NREP: variants seen among roughly 807,000 people sequenced by gnomAD.
The protein encoded by NREP is neuronal regeneration related protein, also known as neuronal regeneration-related protein.
A neutral mutation model predicts 8.6 loss-of-function variants in NREP; 5 were observed. That is an observed-to-expected ratio of 0.58 (90% CI 0.30 to 1.22). The LOEUF (loss-of-function observed/expected upper bound fraction) is 1.22. Ranked by LOEUF, NREP falls within the 50% of genes most tolerant of loss-of-function variation. The pLI is 0.07. For synonymous variants in NREP, 27 were observed against 28.0 expected, an observed-to-expected ratio of 0.96 and a Z score of 0.11; for missense variants, 86 against 82.5, an observed-to-expected ratio of 1.04 and a Z score of -0.17.
At chr5:111,956,135 C>T (rs1204005675) in intron 2 of NREP, among the ~76,000 whole-genome samples, 2 of 152,020 alleles carry the variant, frequency 1.3e-5, no homozygotes, top group Non-Finnish European at 2.9e-5. Flanking sequence ...TAGATACCAC[C>T]ATGATATCCT....
intron 2 of NREP, among the ~76,000 whole-genome samples, chr5:111,831,361 C>A (rs1752763639): frequency 6.6e-6 from 1 of 152,118 alleles, no homozygotes; most frequent in Non-Finnish European, 1.5e-5. Context: ...TCAGGTCATA[C>A]CATTGGGCCA....
intron 2 of NREP, among the ~76,000 whole-genome samples, chr5:111,851,477 TAAAGAGAG>T (rs1344132050): frequency 6.6e-6 from 1 of 152,126 alleles, no homozygotes; most frequent in East Asian, 1.9e-4. Context: ...AGTTCCAATA[TAAAGAGAG>T]AAAGAGAGAG....
chr5:111,791,172 C>CAAA (rs1751737642), intron 2 of NREP, among the ~76,000 whole-genome samples: 1 of 152,130 alleles, frequency 6.6e-6, no homozygotes, highest in Non-Finnish European at 1.5e-5. Flanking sequence ...ATCATTAAAT[C>CAAA]AAACTAATTA....
At chr5:111,828,732 TA>T (rs202221870) in intron 2 of NREP, among the ~76,000 whole-genome samples, 2 of 152,110 alleles carry the variant, frequency 1.3e-5, no homozygotes, top group African/African-American at 2.4e-5. Context: ...TTTAGCATGA[TA>T]AAAAAACTTA....
chr5:111,852,270 T>A (rs1581165913), intron 2 of NREP, among the ~76,000 whole-genome samples: 1 of 126,496 alleles, frequency 7.9e-6, no homozygotes, highest in South Asian at 2.3e-4. Flanking sequence ...TAGCTTCACA[T>A]GTATAGTCTA....
downstream of NREP, chr5:111,728,871 C>CAAAT (rs1441244121): frequency 2.0e-5 from 3 of 151,966 alleles, no homozygotes; most frequent in Non-Finnish European, 4.4e-5. Flanking sequence ...AGGAAAAGTG[C>CAAAT]ACATATTCCA....
intron 2 of NREP, among the ~76,000 whole-genome samples, chr5:111,915,061 G>T (rs1414775909): frequency 6.6e-6 from 1 of 152,092 alleles, no homozygotes; most frequent in Non-Finnish European, 1.5e-5. Context: ...ATTTCTGTGT[G>T]TCTTTGTGCT....
intron 2 of NREP, among the ~76,000 whole-genome samples, chr5:111,969,203 A>T (rs1756732611): frequency 6.6e-6 from 1 of 152,250 alleles, no homozygotes; most frequent in African/African-American, 2.4e-5. Flanking sequence ...GGTTAAAAAT[A>T]TTGAACTTGT....
intron 2 of NREP, among the ~76,000 whole-genome samples, chr5:111,798,073 T>C (rs987024396): frequency 6.6e-6 from 1 of 152,184 alleles, no homozygotes. Context: ...TTCAGTTTTT[T>C]CCCTAAATTT....
intron 2 of NREP, among the ~76,000 whole-genome samples, chr5:111,938,572 T>C (rs1246765055): frequency 5.3e-5 from 8 of 152,050 alleles, no homozygotes. Context: ...ATGGCCTAGT[T>C]TGCATTTCAG....
At chr5:111,950,849 A>G (rs1756139282) in intron 2 of NREP, among the ~76,000 whole-genome samples, 1 of 152,086 alleles carries the variant, frequency 6.6e-6, no homozygotes, top group South Asian at 2.1e-4. Context: ...AACATTTGAG[A>G]CACAAAAAGG....
chr5:111,812,320 A>G (rs920252971), intron 2 of NREP, among the ~76,000 whole-genome samples: 1 of 151,990 alleles, frequency 6.6e-6, no homozygotes, highest in Admixed American at 6.6e-5. Context: ...CAAACAATCA[A>G]ACTTTAGTTT....
chr5:111,875,495 A>G (rs1252381840), intron 2 of NREP, among the ~76,000 whole-genome samples: 1 of 152,180 alleles, frequency 6.6e-6, no homozygotes, highest in Non-Finnish European at 1.5e-5. Flanking sequence ...TCACACAACA[A>G]TTTATATAAT....
intron 2 of NREP, among the ~76,000 whole-genome samples, chr5:111,914,408 C>G (rs1754993755): frequency 1.3e-5 from 2 of 152,140 alleles, no homozygotes. Flanking sequence ...GCCTGTTCCA[C>G]TTCCTTATTT....
chr5:111,919,073 A>T (rs1208566490), intron 2 of NREP, among the ~76,000 whole-genome samples: 1 of 151,950 alleles, frequency 6.6e-6, no homozygotes, highest in Non-Finnish European at 1.5e-5. Flanking sequence ...TGGGTGAAGG[A>T]TACGAACGGA....
chr5:111,962,273 C>G (rs1416911304), intron 2 of NREP, among the ~76,000 whole-genome samples: 1 of 151,918 alleles, frequency 6.6e-6, no homozygotes, highest in African/African-American at 2.4e-5. Flanking sequence ...ATACATGATC[C>G]TAAACTTACA....
intron 2 of NREP, among the ~76,000 whole-genome samples, chr5:111,880,863 G>A (rs11959944): frequency 0.33 from 50,756 of 151,524 alleles, 9,155 homozygotes; most frequent in East Asian, 0.62. Flanking sequence ...GGCTGAATAG[G>A]AACAGCTCCG....
At chr5:111,814,496 G>C (rs1021857491) in intron 2 of NREP, among the ~76,000 whole-genome samples, 2 of 152,156 alleles carry the variant, frequency 1.3e-5, no homozygotes, top group Middle Eastern at 3.4e-3. Context: ...CTTTTTGCTT[G>C]ATTTCTGCCC....
At chr5:111,909,681 T>A (rs891018820) in intron 2 of NREP, among the ~76,000 whole-genome samples, 6 of 152,050 alleles carry the variant, frequency 3.9e-5, no homozygotes, top group African/African-American at 1.2e-4. Context: ...GAATTTCCAT[T>A]TATCCTTTCA....
Sources: allele counts gnomAD v4.1 joint callset (sites outside exome capture counted in the v4.1 genomes callset), GRCh38; gene constraint gnomAD v4.1.1; transcripts MANE v1.5; gene names NCBI Gene and HGNC (gene_info 2026-07-23, HGNC 2026-07-21).